The following KCNN2 variants were observed in gnomAD, a reference collection of about 807,000 sequenced individuals.
The protein encoded by KCNN2 is small conductance calcium-activated potassium channel protein 2.
A neutral mutation model predicts 55.5 loss-of-function variants in KCNN2; 24 were observed. The ratio of observed to expected loss-of-function variants is 0.43; its 90% CI spans 0.31 to 0.61. The LOEUF (loss-of-function observed/expected upper bound fraction) is 0.61. Ranked by LOEUF, KCNN2 falls within the 20% of genes least tolerant of loss-of-function variation. KCNN2 has a pLI of 0.08. For synonymous variants in KCNN2, 431 were observed against 336.1 expected (o/e 1.28, Z -3.09); for missense variants, 754 against 853.6 (o/e 0.88, Z 1.45).
intron 2 of KCNN2, among the ~76,000 whole-genome samples, chr5:114,249,539 G>C (rs953837202): frequency 2.6e-5 from 4 of 151,706 alleles, no homozygotes; most frequent in African/African-American, 9.7e-5. Flanking sequence ...TGCCTGCCTC[G>C]GCCTCCCAAA....
At chr5:114,387,433 G>A (rs978878946) in intron 2 of KCNN2, among the ~76,000 whole-genome samples, 9 of 152,114 alleles carry the variant, frequency 5.9e-5, no homozygotes, top group Non-Finnish European at 1.3e-4. Context: ...GTGCATTTTT[G>A]CTTAACCTTG....
At chr5:114,459,640 C>G (rs1761101031) in intron 3 of KCNN2, among the ~76,000 whole-genome samples, 1 of 152,106 alleles carries the variant, frequency 6.6e-6, no homozygotes, top group Non-Finnish European at 1.5e-5. Flanking sequence ...TCATGTATGT[C>G]TGAGTGCAAC....
chr5:114,068,690 G>T (rs1444053830), intron 1 of KCNN2, among the ~76,000 whole-genome samples: 1 of 152,214 alleles, frequency 6.6e-6, no homozygotes, highest in East Asian at 1.9e-4. Context: ...ACAGTGTAGT[G>T]AACTTAATGC....
chr5:114,292,666 G>T (rs1220253538), intron 2 of KCNN2, among the ~76,000 whole-genome samples: 2 of 152,148 alleles, frequency 1.3e-5, no homozygotes, highest in African/African-American at 4.8e-5. Flanking sequence ...GATTGACTTG[G>T]TGACGCGGGC....
chr5:114,076,790 T>G (rs1187156149), intron 1 of KCNN2, among the ~76,000 whole-genome samples: 1 of 152,032 alleles, frequency 6.6e-6, no homozygotes, highest in Non-Finnish European at 1.5e-5. Flanking sequence ...GCCTCCCAGG[T>G]TCAAGCGATT....
At chr5:114,302,698 G>A (rs1481949432) in intron 2 of KCNN2, among the ~76,000 whole-genome samples, 2 of 152,184 alleles carry the variant, frequency 1.3e-5, no homozygotes, top group East Asian at 3.9e-4. Flanking sequence ...GCAGTTAGAA[G>A]TAGAGCATTC....
At chr5:114,060,946 T>A (rs1314653751) in intron 1 of KCNN2, among the ~76,000 whole-genome samples, 1 of 152,184 alleles carries the variant, frequency 6.6e-6, no homozygotes, top group Admixed American at 6.5e-5. Flanking sequence ...GGCAGTGGAG[T>A]AGTAGCCATT....
intron 1 of KCNN2, among the ~76,000 whole-genome samples, chr5:114,217,771 A>G (rs575151129): frequency 6.6e-6 from 1 of 152,286 alleles, no homozygotes; most frequent in East Asian, 1.9e-4. Flanking sequence ...TTAAAATTAA[A>G]AATTTCTGCT....
intron 2 of KCNN2, among the ~76,000 whole-genome samples, chr5:114,367,719 G>A (rs751773194): frequency 3.3e-5 from 5 of 151,872 alleles, no homozygotes; most frequent in Non-Finnish European, 5.9e-5. Context: ...AGTACAAAAC[G>A]GAGTTCAACT....
At chr5:114,159,588 C>T (rs1029353280) in intron 1 of KCNN2, among the ~76,000 whole-genome samples, 1 of 152,110 alleles carries the variant, frequency 6.6e-6, no homozygotes, top group Non-Finnish European at 1.5e-5. Flanking sequence ...GTACCAGTTC[C>T]TCCTTGTACC....
chr5:114,449,525 T>C (rs554392695), intron 3 of KCNN2, among the ~76,000 whole-genome samples: 1 of 152,290 alleles, frequency 6.6e-6, no homozygotes, highest in East Asian at 1.9e-4. Context: ...AGCCACCTGG[T>C]GAGGTAGACA....
chr5:114,462,916 C>T (rs931243409), intron 3 of KCNN2, 133 bp from the exon 4 acceptor site: 2 of 832,674 alleles, frequency 2.4e-6, no homozygotes, highest in Non-Finnish European at 3.7e-6. Context: ...TGTTTATATT[C>T]ACAAGCTTTG....
intron 2 of KCNN2, among the ~76,000 whole-genome samples, chr5:114,266,566 T>C (rs1755210789): frequency 6.6e-6 from 1 of 152,148 alleles, no homozygotes; most frequent in Non-Finnish European, 1.5e-5. Context: ...AGGCTGGTTC[T>C]TGGGCAGCCC....
intron 2 of KCNN2, among the ~76,000 whole-genome samples, chr5:114,307,518 C>T (rs1300089264): frequency 6.6e-6 from 1 of 152,102 alleles, no homozygotes; most frequent in Non-Finnish European, 1.5e-5. Flanking sequence ...ATCATAGCCT[C>T]ATTGATACTG....
intron 3 of KCNN2, among the ~76,000 whole-genome samples, chr5:114,446,375 A>G (rs887773688): frequency 6.6e-6 from 1 of 152,204 alleles, no homozygotes; most frequent in Non-Finnish European, 1.5e-5. Context: ...AAGCATTTAT[A>G]TATGTGTTCT....
intron 1 of KCNN2, among the ~76,000 whole-genome samples, chr5:114,159,688 A>T (rs531731197): frequency 3.3e-5 from 5 of 152,162 alleles, no homozygotes; most frequent in Middle Eastern, 3.4e-3. Flanking sequence ...AGAGCCTGTT[A>T]TTGGTCTATT....
intron 3 of KCNN2, among the ~76,000 whole-genome samples, chr5:114,420,686 G>C (rs2150080543): frequency 6.6e-6 from 1 of 152,314 alleles, no homozygotes; most frequent in East Asian, 1.9e-4. Context: ...CAATGCCATG[G>C]TTGTGATAAC....
At chr5:114,375,784 A>G (rs1291270299) in intron 2 of KCNN2, among the ~76,000 whole-genome samples, 1 of 151,928 alleles carries the variant, frequency 6.6e-6, no homozygotes, top group African/African-American at 2.4e-5. Context: ...CTACAATTTA[A>G]GCATGGGTGA....
chr5:114,414,470 G>A (rs1759241645), intron 3 of KCNN2, among the ~76,000 whole-genome samples: 2 of 152,144 alleles, frequency 1.3e-5, no homozygotes, highest in Admixed American at 1.3e-4. Context: ...CTTGCTGACT[G>A]GTAGAGCAAT....
Sources: allele counts gnomAD v4.1 joint callset (sites outside exome capture counted in the v4.1 genomes callset), GRCh38; gene constraint gnomAD v4.1.1; transcripts MANE v1.5; gene names NCBI Gene and HGNC (gene_info 2026-07-23, HGNC 2026-07-21).